TEK: variants seen among roughly 807,000 people sequenced by gnomAD.
TEK encodes the protein TEK receptor tyrosine kinase.
Under a neutral mutation model 131.8 loss-of-function variants are expected in TEK, and 43 were observed. The observed-to-expected ratio is 0.33, with a 90% CI of 0.26 to 0.42. TEK has a LOEUF of 0.42. Ranked by LOEUF, TEK falls within the 10% of genes least tolerant of loss-of-function variation. The pLI is 1.00. For synonymous variants in TEK, 580 were observed against 491.6 expected (o/e 1.18, Z -2.38); for missense variants, 1,162 against 1,384.4 (o/e 0.84, Z 2.55).
At chr9:27,225,610 G>A (rs954243428) in intron 21 of TEK, among the ~76,000 whole-genome samples, 11 of 151,836 alleles carry the variant, frequency 7.2e-5, no homozygotes, top group East Asian at 1.9e-4. Flanking sequence ...AAAGACAAAC[G>A]TAAAATCTAA....
In TEK at chr9:27,157,964, A is replaced by T; in HGVS notation, c.186A>T (p.Glu62Asp). 1 of 1,614,044 alleles carries T rather than the reference A, an allele frequency of 6.2e-7. No individual in the cohort carries two copies. Among genetic ancestry groups the T allele is most frequent in the Non-Finnish European group, 8.5e-7 (1 of 1,180,000 alleles). Residue 62 changes from glutamate to aspartate, a missense_variant, in exon 2 of 23, where the codon GAA becomes GAT. By Grantham distance (45) the Glu-to-Asp change is conservative. Coordinates refer to ENST00000380036, the MANE Select transcript of TEK (RefSeq NM_000459.5). ...CCATCACCATAGGAAGGGACTTTGA[A>T]GCCTTAATGAACCAGCACCAGGATC... Reference protein sequence around the residue: ...HEPITIGRDFEALMNQHQDPL... With the variant: ...HEPITIGRDFDALMNQHQDPL...
rs975531888 is a variant in TEK, at chr9:27,179,384, G to C, written c.902-856G>C. Among the ~76,000 whole-genome samples, 4 of 152,106 alleles carry C rather than the reference G, an allele frequency of 2.6e-5. No individual in the cohort carries two copies. The East Asian group carries it at 7.7e-4, about 29-fold the overall frequency. The stretch of plus-strand genomic sequence containing the variant: ...ATCTTCTTTTACCTTACTGAGCATA[G>C]TTATTATAGTTGTTTTAAAATTCTT... On this transcript the variant is annotated intron_variant, in intron 6 of 22. Coordinates refer to ENST00000380036, the MANE Select transcript of TEK (RefSeq NM_000459.5).
chr9:27,153,304 G>T (rs940959174), intron 1 of TEK, among the ~76,000 whole-genome samples: 1 of 152,036 alleles, frequency 6.6e-6, no homozygotes, highest in Admixed American at 6.6e-5. Context: ...AAAAAAATTA[G>T]CTGGGCGTGG....
intron 17 of TEK, 88 bp from the exon 18 acceptor site, chr9:27,213,396 T>A (rs1021528005): frequency 5.3e-6 from 5 of 941,288 alleles, no homozygotes; most frequent in Non-Finnish European, 8.5e-6. Flanking sequence ...TCCTTTTTTA[T>A]ACTATTGTTT....
In TEK at chr9:27,172,752, G is replaced by GC. The variant is rs769282624; in HGVS notation, c.760+5_760+6insC. On this transcript the variant is annotated splice_donor_region_variant and intron_variant, in intron 5 of 22. Transcript: ENST00000380036. ...TGGGAAGGACGTGTGAGAAGGGTAA[G>GC]TAAAGAGACTTGATAAGTAAGCTGT... The GC allele has an allele frequency of 1.2e-5, 19 of 1,613,180 alleles. No individual in the cohort carries two copies. The highest frequency in any genetic ancestry group is 1.4e-5 in the Non-Finnish European group (16 of 1,179,452).
At chr9:27,131,215 C>G (rs1822202459) in intron 1 of TEK, among the ~76,000 whole-genome samples, 1 of 152,156 alleles carries the variant, frequency 6.6e-6, no homozygotes, top group African/African-American at 2.4e-5. Flanking sequence ...GGCATGGTGG[C>G]TCATGCCTGT....
chr9:27,144,869 C>A (rs1297663745), intron 1 of TEK, among the ~76,000 whole-genome samples: 1 of 152,076 alleles, frequency 6.6e-6, no homozygotes, highest in Admixed American at 6.6e-5. Flanking sequence ...GGAAGAAAAG[C>A]AACATATAGG....
Position 27,212,735 on chromosome 9 carries a change from G to T in TEK, c.2715G>T (p.Ala905=). The T allele has an allele frequency of 6.2e-7, 1 of 1,614,026 alleles. No individual in the cohort carries two copies. Among genetic ancestry groups the T allele is most frequent in the Non-Finnish European group, 8.5e-7 (1 of 1,180,006 alleles). ...RGYLYLAIEY[A]PHGNLLDFLR... is the part of the protein sequence containing the mutation. Reference sequence around the variant, plus strand: ...ACTTGTACCTGGCCATTGAGTACGCGCCCCATGGAAACCTTCTGGACTTCC... The same window carrying T: ...ACTTGTACCTGGCCATTGAGTACGCTCCCCATGGAAACCTTCTGGACTTCC... Residue 905 remains alanine, a synonymous_variant, in exon 17 of 23, where the codon GCG becomes GCT. Transcript: ENST00000380036.
chr9:27,130,165 C>G (rs960665140), intron 1 of TEK, among the ~76,000 whole-genome samples: 2 of 152,146 alleles, frequency 1.3e-5, no homozygotes, highest in African/African-American at 4.8e-5. Context: ...GTGGAATATG[C>G]TACTGTAATA....
intron 9 of TEK, 79 bp downstream of exon 9, chr9:27,185,708 A>G (rs1414658317): frequency 1.3e-5 from 20 of 1,571,206 alleles, no homozygotes; most frequent in Non-Finnish European, 1.7e-5. Flanking sequence ...ACAGAAATGT[A>G]TGCGACCACT....
chr9:27,119,664 T>C (rs946741945), intron 1 of TEK, among the ~76,000 whole-genome samples: 19 of 152,148 alleles, frequency 1.2e-4, no homozygotes, highest in Non-Finnish European at 2.4e-4. Context: ...GCTGGCAACA[T>C]TGGGCTCCCA....
At chr9:27,208,826 T>TG (rs1457454495) in intron 15 of TEK, among the ~76,000 whole-genome samples, 1 of 152,218 alleles carries the variant, frequency 6.6e-6, no homozygotes, top group East Asian at 1.9e-4. Context: ...ATTTTGCCCA[T>TG]GGGGGCATTT....
chr9:27,156,061 C>T (rs1341255959), intron 1 of TEK, among the ~76,000 whole-genome samples: 1 of 152,136 alleles, frequency 6.6e-6, no homozygotes, highest in Non-Finnish European at 1.5e-5. Context: ...CCTCGGCCTC[C>T]CAAAGTGCTG....
chr9:27,179,283 A>G (rs1344980987), intron 6 of TEK, among the ~76,000 whole-genome samples: 1 of 152,108 alleles, frequency 6.6e-6, no homozygotes, highest in Non-Finnish European at 1.5e-5. Flanking sequence ...TTTCAGTTTT[A>G]GAATTCCTTT....
At position 27,190,656 on chromosome 9, in the gene TEK, C is replaced by T. The variant is rs760186913; in HGVS notation, c.1455C>T (p.Pro485=). The stretch of plus-strand genomic sequence containing the variant: ...AATCCAAGAAGCTTCTATACAAACC[C>T]GTTAATCACTATGAGGCTTGGCAAC... ...PIKSKKLLYK[P]VNHYEAWQHI... Residue 485 remains proline (P), a synonymous_variant, in exon 10 of 23, where the codon CCC becomes CCT. Coordinates refer to ENST00000380036, the MANE Select transcript of TEK (RefSeq NM_000459.5). The T allele has an allele frequency of 6.8e-6, 11 of 1,613,838 alleles. No individual in the cohort carries two copies. The highest frequency in any genetic ancestry group is 2.7e-5 in the African/African-American group (2 of 74,884).
chr9:27,219,991 C>G (rs748329974), intron 20 of TEK, 58 bp from the exon 21 acceptor site: 56 of 1,559,388 alleles, frequency 3.6e-5, no homozygotes, highest in Admixed American at 8.3e-5. Flanking sequence ...AAACCCTGGA[C>G]AGGAAGCATT....
At chr9:27,197,892 T>C (rs2131198058) in intron 12 of TEK, among the ~76,000 whole-genome samples, 1 of 152,328 alleles carries the variant, frequency 6.6e-6, no homozygotes, top group Middle Eastern at 3.4e-3. Flanking sequence ...GAACCATTTA[T>C]GGGGTAGTTT....
intron 1 of TEK, among the ~76,000 whole-genome samples, chr9:27,154,759 T>C (rs1408419417): frequency 6.6e-6 from 1 of 152,200 alleles, no homozygotes; most frequent in East Asian, 1.9e-4. Flanking sequence ...GACAGAGTAC[T>C]GGCTGGTGGA....
chr9:27,199,578 A>T (rs1825147805), intron 12 of TEK, among the ~76,000 whole-genome samples: 1 of 152,130 alleles, frequency 6.6e-6, no homozygotes, highest in South Asian at 2.1e-4. Context: ...ATGGTGCCTC[A>T]TTGTTAATTT....
Sources: allele counts gnomAD v4.1 joint callset (sites outside exome capture counted in the v4.1 genomes callset), GRCh38; gene constraint gnomAD v4.1.1; transcripts MANE v1.5; gene names NCBI Gene and HGNC (gene_info 2026-07-23, HGNC 2026-07-21).